The following FBXL13 variants were observed in gnomAD, a reference collection of about 807,000 sequenced individuals.
FBXL13 encodes F-box and leucine rich repeat protein 13.
A neutral mutation model predicts 83.6 loss-of-function variants in FBXL13; 67 were observed. The ratio of observed to expected loss-of-function variants is 0.80; its 90% CI spans 0.66 to 0.98. The LOEUF (loss-of-function observed/expected upper bound fraction) is 0.98, where lower values mean the gene tolerates loss of function less well. FBXL13 is among the 50% of genes least tolerant of loss of function. FBXL13 has a pLI of 0.00. For synonymous variants in FBXL13, 272 were observed against 299.5 expected, an observed-to-expected ratio of 0.91 and a Z score of 0.95; for missense variants, 822 against 866.5, an observed-to-expected ratio of 0.95 and a Z score of 0.64.
intron 6 of FBXL13, among the ~76,000 whole-genome samples, chr7:102,986,036 A>G (rs1168062715): frequency 1.4e-5 from 2 of 146,906 alleles, no homozygotes; most frequent in Non-Finnish European, 3.0e-5. Flanking sequence ...CCATCAATAC[A>G]TTTAGTAGGA....
At chr7:102,985,737 T>A (rs759403698) in intron 6 of FBXL13, among the ~76,000 whole-genome samples, 1 of 152,192 alleles carries the variant, frequency 6.6e-6, no homozygotes, top group African/African-American at 2.4e-5. Flanking sequence ...GCAGTTCACA[T>A]AAAGACCTCA....
intron 8 of FBXL13, among the ~76,000 whole-genome samples, chr7:102,949,942 C>A (rs969622991): frequency 3.3e-5 from 5 of 152,022 alleles, no homozygotes; most frequent in African/African-American, 1.2e-4. Context: ...CCCGTCTCTA[C>A]TAAAAGTCCA....
At chr7:102,915,351 A>G (rs973650200) in intron 10 of FBXL13, among the ~76,000 whole-genome samples, 2 of 152,182 alleles carry the variant, frequency 1.3e-5, no homozygotes, top group Admixed American at 6.5e-5. Flanking sequence ...TATTATTGCT[A>G]CTACTATGTG....
At chr7:102,917,858 A>G (rs1301468862) in intron 10 of FBXL13, among the ~76,000 whole-genome samples, 1 of 152,200 alleles carries the variant, frequency 6.6e-6, no homozygotes, top group Admixed American at 6.5e-5. Flanking sequence ...ATAGGAATAA[A>G]TAGAAAGTGT....
At chr7:102,963,437 G>A in intron 8 of FBXL13, 96 bp downstream of exon 9, 2 of 1,450,856 alleles carry the variant, frequency 1.4e-6, no homozygotes, top group Non-Finnish European at 1.9e-6. Context: ...ACCTAAAACT[G>A]TCACTGAAGT....
intron 8 of FBXL13, among the ~76,000 whole-genome samples, chr7:102,947,519 T>G (rs1437066153): frequency 6.6e-5 from 10 of 152,188 alleles, no homozygotes; most frequent in African/African-American, 2.2e-4. Flanking sequence ...ATCTTAAGAT[T>G]TGCCCCTTTT....
At chr7:102,840,021 G>A (rs190628695) in intron 17 of FBXL13, among the ~76,000 whole-genome samples, 5 of 152,206 alleles carry the variant, frequency 3.3e-5, no homozygotes, top group African/African-American at 1.2e-4. Flanking sequence ...TGGCTTACTG[G>A]CTGCACAGAT....
chr7:102,846,995 G>C (rs1804104127), intron 17 of FBXL13, among the ~76,000 whole-genome samples: 1 of 152,116 alleles, frequency 6.6e-6, no homozygotes, highest in East Asian at 1.9e-4. Flanking sequence ...AGCAACAGAA[G>C]AATAATATTT....
At chr7:102,953,988 C>T (rs954818583) in intron 8 of FBXL13, among the ~76,000 whole-genome samples, 1 of 152,114 alleles carries the variant, frequency 6.6e-6, no homozygotes, top group Non-Finnish European at 1.5e-5. Context: ...AGGAACAGCT[C>T]CGGTCTGCAG....
At chr7:103,024,945 C>T (rs1793731544) in intron 6 of FBXL13, 118 bp downstream of exon 7, 3 of 519,294 alleles carry the variant, frequency 5.8e-6, no homozygotes, top group Non-Finnish European at 8.6e-6. Flanking sequence ...ACTGCAACCT[C>T]TGCCTCCTGG....
chr7:102,849,997 T>C (rs1182581414), intron 17 of FBXL13, among the ~76,000 whole-genome samples: 1 of 151,688 alleles, frequency 6.6e-6, no homozygotes, highest in East Asian at 1.9e-4. Context: ...TATCCTGTTT[T>C]GTTTTGTTTT....
chr7:103,029,962 A>G (rs1794332088), intron 2 of FBXL13: 1 of 152,230 alleles, frequency 6.6e-6, no homozygotes, highest in Non-Finnish European at 1.5e-5. Context: ...GCAACAGCTA[A>G]CTGAAATCAT....
At chr7:102,946,276 A>G (rs1301780702) in intron 8 of FBXL13, among the ~76,000 whole-genome samples, 2 of 152,244 alleles carry the variant, frequency 1.3e-5, no homozygotes, top group Non-Finnish European at 2.9e-5. Flanking sequence ...GGTAGGTGAT[A>G]CTGTCTGCCT....
At chr7:103,006,752 TAA>T (rs1182297997) in intron 6 of FBXL13, among the ~76,000 whole-genome samples, 1 of 151,606 alleles carries the variant, frequency 6.6e-6, no homozygotes, top group Admixed American at 6.6e-5. Flanking sequence ...GACAAATAAC[TAA>T]GAGAGAAACC....
intron 10 of FBXL13, 58 bp downstream of exon 11, chr7:102,926,216 G>A (rs1324771667): frequency 1.4e-6 from 2 of 1,459,406 alleles, no homozygotes; most frequent in Non-Finnish European, 1.9e-6. Flanking sequence ...GCTAGAGCAA[G>A]CCAGAGACTT....
intron 13 of FBXL13, 28 bp downstream of exon 14, chr7:102,883,540 G>T: frequency 6.3e-7 from 1 of 1,587,262 alleles, no homozygotes. Flanking sequence ...AAACAATAAT[G>T]CTGAACCACA....
rs184294133 is a variant in FBXL13, at chr7:102,835,856, G to A, written c.1720-2882C>T. Among the ~76,000 whole-genome samples the A allele has an allele frequency of 0.014, 2,124 of 151,996 alleles. 116 individuals carry two copies. The East Asian group carries it at 0.16, about 11-fold the overall frequency. ...GATCTCCTGACCTCGTGATCCGCCC[G>A]CCTCGGCCTCCCAAAGTGCTGGGAT... On this transcript the variant is annotated intron_variant, in intron 17 of 19. Coordinates refer to ENST00000313221, the Ensembl canonical transcript of FBXL13.
chr7:102,890,908 T>C (rs1811459415), intron 11 of FBXL13, among the ~76,000 whole-genome samples: 1 of 152,184 alleles, frequency 6.6e-6, no homozygotes, highest in South Asian at 2.1e-4. Context: ...CAGCACTGCA[T>C]CCAATGACTA....
intron 8 of FBXL13, chr7:102,942,257 A>T: frequency 1.3e-6 from 2 of 1,558,692 alleles, no homozygotes; most frequent in Non-Finnish European, 8.7e-7. Flanking sequence ...TGACCTAAAG[A>T]AGTTTTAAAA....
Sources: allele counts gnomAD v4.1 joint callset (sites outside exome capture counted in the v4.1 genomes callset), GRCh38; gene constraint gnomAD v4.1.1; transcripts MANE v1.5; gene names NCBI Gene and HGNC (gene_info 2026-07-23, HGNC 2026-07-21).